Variants in OXR1 observed in about 807,000 individuals in gnomAD.
OXR1 encodes the protein oxidation resistance protein 1.
OXR1 carries 41 observed loss-of-function variants against 104.6 expected under a neutral mutation model. The observed-to-expected ratio is 0.39, with a 90% CI of 0.31 to 0.51. The LOEUF is 0.51. Among genes scored for constraint, OXR1 ranks in the 20% least tolerant of loss-of-function variants. The pLI, the probability that OXR1 is intolerant of heterozygous loss-of-function variation, is 0.77. For synonymous variants in OXR1, 348 were observed against 348.4 expected (o/e 1.00, Z 0.01); for missense variants, 955 against 1,031.9 (o/e 0.93, Z 1.02).
chr8:106,305,477 T>C (rs906160961), intron 1 of OXR1, among the ~76,000 whole-genome samples: 2 of 152,198 alleles, frequency 1.3e-5, no homozygotes, highest in African/African-American at 4.8e-5. Flanking sequence ...ATTCTTTTCA[T>C]GACTTTGCTA....
chr8:106,322,842 C>G (rs945956035), intron 1 of OXR1, among the ~76,000 whole-genome samples: 4 of 152,088 alleles, frequency 2.6e-5, no homozygotes, highest in Non-Finnish European at 5.9e-5. Context: ...GGTGAAAGAT[C>G]TCTACAAGGA....
At chr8:106,731,520 G>T (rs575642618) in intron 11 of OXR1, among the ~76,000 whole-genome samples, 1 of 151,976 alleles carries the variant, frequency 6.6e-6, no homozygotes, top group African/African-American at 2.4e-5. Flanking sequence ...TTTTTCCTGT[G>T]CTATTTTCTA....
chr8:106,550,679 A>G (rs563990610), intron 3 of OXR1, among the ~76,000 whole-genome samples: 2 of 151,854 alleles, frequency 1.3e-5, no homozygotes, highest in Non-Finnish European at 2.9e-5. Context: ...ATTCTCTCTC[A>G]CCTGTTGCCA....
At chr8:106,677,096 T>C (rs1168095525) in intron 3 of OXR1, among the ~76,000 whole-genome samples, 1 of 152,102 alleles carries the variant, frequency 6.6e-6, no homozygotes, top group Non-Finnish European at 1.5e-5. Flanking sequence ...AACTAACGGT[T>C]ACTCCTAAAA....
chr8:106,571,875 G>C (rs1489989527), intron 3 of OXR1, among the ~76,000 whole-genome samples: 2 of 152,184 alleles, frequency 1.3e-5, no homozygotes, highest in Non-Finnish European at 2.9e-5. Context: ...TGGGTCCCAA[G>C]CAAGTCCAAA....
intron 2 of OXR1, among the ~76,000 whole-genome samples, chr8:106,482,286 C>A (rs553117477): frequency 6.6e-6 from 1 of 151,838 alleles, no homozygotes; most frequent in South Asian, 2.1e-4. Context: ...GATTATCTGG[C>A]AGAAAAGAAC....
chr8:106,306,506 T>A (rs1486659785), intron 1 of OXR1, among the ~76,000 whole-genome samples: 1 of 147,650 alleles, frequency 6.8e-6, no homozygotes, highest in Non-Finnish European at 1.5e-5. Context: ...GTTTTAATTG[T>A]AATAGCTAAA....
chr8:106,284,121 G>A (rs1337716808), intron 1 of OXR1, among the ~76,000 whole-genome samples: 1 of 151,964 alleles, frequency 6.6e-6, no homozygotes. Context: ...TGCTTTCATG[G>A]AGCTAATAGT....
chr8:106,653,083 AATAT>A (rs71307081), intron 3 of OXR1, among the ~76,000 whole-genome samples: 14 of 137,154 alleles, frequency 1.0e-4, no homozygotes, highest in African/African-American at 3.8e-4. Context: ...AAAAAAAAAA[AATAT>A]ATATATATAT....
At chr8:106,424,493 T>C (rs1819030591) in intron 2 of OXR1, among the ~76,000 whole-genome samples, 1 of 152,148 alleles carries the variant, frequency 6.6e-6, no homozygotes, top group Non-Finnish European at 1.5e-5. Context: ...GAGCAAAACT[T>C]CCATTATAGA....
chr8:106,477,449 G>A (rs1004952036), intron 2 of OXR1, among the ~76,000 whole-genome samples: 19 of 151,896 alleles, frequency 1.3e-4, no homozygotes, highest in Non-Finnish European at 2.9e-5. Flanking sequence ...ATTGAATACT[G>A]CATCTTTATG....
At chr8:106,340,087 A>G (rs561494710) in intron 1 of OXR1, among the ~76,000 whole-genome samples, 299 of 152,256 alleles carry the variant, frequency 2.0e-3, no homozygotes, top group Admixed American at 3.5e-3. Context: ...TTCTGTAGGC[A>G]AGCTGTAAAA....
At chr8:106,370,363 C>T (rs1039331745) in intron 2 of OXR1, among the ~76,000 whole-genome samples, 5 of 152,278 alleles carry the variant, frequency 3.3e-5, no homozygotes, top group African/African-American at 1.2e-4. Flanking sequence ...ACTTGACTTC[C>T]TCTCTTCCTA....
At chr8:106,314,672 A>G (rs7013315) in intron 1 of OXR1, among the ~76,000 whole-genome samples, 48,981 of 152,104 alleles carry the variant, frequency 0.32, 10,645 homozygotes, top group African/African-American at 0.62. Flanking sequence ...CCAGGGTCCC[A>G]TGGCTGGTAA....
chr8:106,503,551 C>T (rs1399476092), intron 2 of OXR1, among the ~76,000 whole-genome samples: 7 of 152,128 alleles, frequency 4.6e-5, no homozygotes, highest in Non-Finnish European at 7.3e-5. Context: ...TTTACCTTAT[C>T]CCAAATAGGT....
chr8:106,552,009 T>C (rs755955565), intron 3 of OXR1, among the ~76,000 whole-genome samples: 1 of 151,192 alleles, frequency 6.6e-6, no homozygotes, highest in Non-Finnish European at 1.5e-5. Context: ...TGCAGTAAGC[T>C]ATGTTTGCAA....
chr8:106,363,000 T>A (rs1816312802), intron 2 of OXR1, among the ~76,000 whole-genome samples: 1 of 152,244 alleles, frequency 6.6e-6, no homozygotes. Flanking sequence ...TTTTTCACTG[T>A]GATGCCTGCA....
At chr8:106,517,862 CTT>C (rs1208498954) in intron 2 of OXR1, among the ~76,000 whole-genome samples, 1 of 152,140 alleles carries the variant, frequency 6.6e-6, no homozygotes, top group African/African-American at 2.4e-5. Flanking sequence ...ATTAATGACT[CTT>C]TTAGTACTTG....
chr8:106,587,290 G>T (rs1459000518), intron 3 of OXR1, among the ~76,000 whole-genome samples: 2 of 151,974 alleles, frequency 1.3e-5, no homozygotes, highest in Non-Finnish European at 2.9e-5. Context: ...TTTCAGTAAA[G>T]TAGGGACCAA....
Sources: gnomAD v4.1 joint callset for allele counts (sites outside exome capture counted in the v4.1 genomes callset) on GRCh38, gnomAD v4.1.1 for gene constraint, MANE v1.5 for transcripts, NCBI Gene and HGNC (gene_info 2026-07-23, HGNC 2026-07-21) for gene names.